The following GRID2 variants were observed in gnomAD, a reference collection of about 807,000 sequenced individuals.
GRID2 encodes glutamate receptor ionotropic, delta-2.
A neutral mutation model predicts 114.8 loss-of-function variants in GRID2; 33 were observed. The observed-to-expected ratio is 0.29, with a 90% CI of 0.22 to 0.38. The LOEUF (loss-of-function observed/expected upper bound fraction) is 0.38, where lower values mean the gene tolerates loss of function less well. Ranked by LOEUF, GRID2 falls within the 10% of genes least tolerant of loss-of-function variation. The probability of loss-of-function intolerance (pLI) is 1.00; values close to 1 mark genes in which losing one functional copy is unlikely to be tolerated. For synonymous variants in GRID2, 505 were observed against 449.9 expected (o/e 1.12, Z -1.55); for missense variants, 1,184 against 1,257.7 (o/e 0.94, Z 0.89).
At chr4:92,673,579 G>A (rs1165570630) in intron 2 of GRID2, among the ~76,000 whole-genome samples, 1 of 151,966 alleles carries the variant, frequency 6.6e-6, no homozygotes, top group East Asian at 1.9e-4. Context: ...TGTTTTTTTA[G>A]GTGAAACCAC....
chr4:92,464,494 A>G (rs959256291), intron 1 of GRID2, among the ~76,000 whole-genome samples: 2 of 152,098 alleles, frequency 1.3e-5, no homozygotes, highest in African/African-American at 4.8e-5. Flanking sequence ...GTATTAGGCC[A>G]ATATATGTTA....
chr4:92,977,762 C>T (rs115863542), intron 2 of GRID2, among the ~76,000 whole-genome samples: 341 of 152,118 alleles, frequency 2.2e-3, no homozygotes, highest in Non-Finnish European at 3.2e-3. Context: ...ATTTCCTGGT[C>T]AGGTGGATAT....
At chr4:93,776,963 C>G (rs1561000084), downstream of GRID2, among the ~76,000 whole-genome samples, 1 of 152,150 alleles carries the variant, frequency 6.6e-6, no homozygotes, top group Non-Finnish European at 1.5e-5. Context: ...TTCAACTTGC[C>G]TCAACAGGAC....
At chr4:92,402,594 T>A (rs926372431) in intron 1 of GRID2, among the ~76,000 whole-genome samples, 6 of 152,200 alleles carry the variant, frequency 3.9e-5, no homozygotes, top group Non-Finnish European at 8.8e-5. Context: ...TTTAAAGGAA[T>A]CTTGTTTTAT....
chr4:92,720,141 A>G (rs532129118), intron 2 of GRID2, among the ~76,000 whole-genome samples: 10 of 152,192 alleles, frequency 6.6e-5, no homozygotes, highest in African/African-American at 2.2e-4. Flanking sequence ...TTTTAAGTCA[A>G]ATTATATTTT....
At chr4:93,685,914 C>G (rs1726036055) in intron 14 of GRID2, among the ~76,000 whole-genome samples, 1 of 150,174 alleles carries the variant, frequency 6.7e-6, no homozygotes, top group Admixed American at 6.6e-5. Flanking sequence ...GCCTCCTTTT[C>G]TCTAAAACAC....
At chr4:93,482,788 T>C (rs1156327921) in intron 11 of GRID2, among the ~76,000 whole-genome samples, 2 of 151,904 alleles carry the variant, frequency 1.3e-5, no homozygotes, top group African/African-American at 4.8e-5. Flanking sequence ...GTGCTCTCTC[T>C]CCCTACCACA....
chr4:93,668,373 CT>C (rs67043287), intron 14 of GRID2, among the ~76,000 whole-genome samples: 52,236 of 150,960 alleles, frequency 0.35, 9,192 homozygotes, highest in East Asian at 0.58. Flanking sequence ...TAGTTGTTCT[CT>C]TTTTTTTTGC....
At chr4:92,438,135 A>G (rs1412747425) in intron 1 of GRID2, among the ~76,000 whole-genome samples, 2 of 152,184 alleles carry the variant, frequency 1.3e-5, no homozygotes, top group African/African-American at 2.4e-5. Context: ...ATACGTACAT[A>G]TGCCAGAAAT....
intron 2 of GRID2, among the ~76,000 whole-genome samples, chr4:92,739,610 G>A (rs766641454): frequency 2.0e-4 from 31 of 152,156 alleles, no homozygotes; most frequent in South Asian, 6.2e-4. Flanking sequence ...GCAGTTATAC[G>A]AGATTCTTAT....
At chr4:93,163,333 T>G (rs1308404475) in intron 4 of GRID2, among the ~76,000 whole-genome samples, 1 of 137,792 alleles carries the variant, frequency 7.3e-6, no homozygotes. Context: ...GCCTTTATTT[T>G]CCACTTCTGA....
intron 1 of GRID2, among the ~76,000 whole-genome samples, chr4:92,344,145 A>G (rs1579211322): frequency 6.6e-6 from 1 of 152,274 alleles, no homozygotes; most frequent in Admixed American, 6.5e-5. Context: ...TAATTATAAT[A>G]CAATATACAA....
At chr4:93,441,775 G>A (rs1436112876) in intron 10 of GRID2, among the ~76,000 whole-genome samples, 1 of 151,914 alleles carries the variant, frequency 6.6e-6, no homozygotes, top group Non-Finnish European at 1.5e-5. Flanking sequence ...GTTGTTCTAA[G>A]TCTCAATGAT....
intron 4 of GRID2, among the ~76,000 whole-genome samples, chr4:93,184,534 A>G (rs1740212783): frequency 6.7e-6 from 1 of 148,648 alleles, no homozygotes; most frequent in African/African-American, 2.5e-5. Context: ...AAAAAAACTC[A>G]CAGGTACTCT....
chr4:93,025,729 A>G (rs1458916202), intron 2 of GRID2, among the ~76,000 whole-genome samples: 1 of 151,710 alleles, frequency 6.6e-6, no homozygotes, highest in Non-Finnish European at 1.5e-5. Flanking sequence ...AAATATAACC[A>G]TTTTCACTTG....
At chr4:93,686,491 AT>A (rs1284693800) in intron 14 of GRID2, among the ~76,000 whole-genome samples, 2 of 150,244 alleles carry the variant, frequency 1.3e-5, no homozygotes, top group African/African-American at 5.0e-5. Context: ...AAACAGACGA[AT>A]AGAAAAAAAA....
intron 4 of GRID2, among the ~76,000 whole-genome samples, chr4:93,192,583 A>G (rs556651735): frequency 1.3e-5 from 2 of 151,954 alleles, no homozygotes; most frequent in African/African-American, 2.4e-5. Context: ...ACCCATTGCT[A>G]CTAAAAATAC....
At chr4:92,400,859 C>A (rs1730754634) in intron 1 of GRID2, among the ~76,000 whole-genome samples, 1 of 151,866 alleles carries the variant, frequency 6.6e-6, no homozygotes, top group African/African-American at 2.4e-5. Context: ...TGATGTTGAA[C>A]TTCCTTCATG....
chr4:93,187,567 C>T (rs183781453), intron 4 of GRID2, among the ~76,000 whole-genome samples: 17 of 152,206 alleles, frequency 1.1e-4, no homozygotes, highest in Admixed American at 1.0e-3. Context: ...CGTGAACCAC[C>T]GCACCTAGCA....
Sources: gnomAD v4.1 joint callset for allele counts (sites outside exome capture counted in the v4.1 genomes callset) on GRCh38, gnomAD v4.1.1 for gene constraint, MANE v1.5 for transcripts, NCBI Gene and HGNC (gene_info 2026-07-23, HGNC 2026-07-21) for gene names.